Variants in TFB1M observed in about 807,000 individuals in gnomAD.
TFB1M encodes dimethyladenosine transferase 1, mitochondrial.
In TFB1M, 27 loss-of-function variants were observed where a neutral mutation model predicts 31.1. The observed-to-expected ratio is 0.87, with a 90% confidence interval of 0.64 to 1.20. TFB1M has a LOEUF of 1.20. Ranked by LOEUF, TFB1M falls within the 50% of genes most tolerant of loss-of-function variation. TFB1M has a pLI of 0.00. For missense variants in TFB1M, 394 were observed against 418.7 expected (o/e 0.94, Z 0.51); for synonymous variants, 166 against 151.8 (o/e 1.09, Z -0.69).
At chr6:155,248,239 C>A in the TFB1M span, 1 of 1,549,588 alleles carries the variant, frequency 6.5e-7, no homozygotes, top group Non-Finnish European at 8.7e-7. Flanking sequence ...GGGCTGCCAG[C>A]CGTGCCCTGG....
intron 5 of TFB1M, among the ~76,000 whole-genome samples, chr6:155,274,263 C>T (rs1166945271): frequency 1.3e-5 from 2 of 152,180 alleles, no homozygotes; most frequent in African/African-American, 4.8e-5. Context: ...TGCAGTATTT[C>T]AGAAACCATT....
the TFB1M span, among the ~76,000 whole-genome samples, chr6:155,245,104 C>CTG: frequency 1.3e-5 from 2 of 152,220 alleles, no homozygotes; most frequent in African/African-American, 4.8e-5. Context: ...AGCTCCTACC[C>CTG]TGTGCCCAAT....
At chr6:155,266,846 C>CA (rs1213939199) in intron 5 of TFB1M, among the ~76,000 whole-genome samples, 790 of 62,818 alleles carry the variant, frequency 0.013, 70 homozygotes, top group African/African-American at 0.021. Flanking sequence ...GACTCCGTCT[C>CA]AAAAAAAAAA....
intron 6 of TFB1M, among the ~76,000 whole-genome samples, chr6:155,259,008 T>C (rs1478527462): frequency 2.6e-5 from 4 of 152,204 alleles, no homozygotes; most frequent in Non-Finnish European, 4.4e-5. Flanking sequence ...GAGGATGGTG[T>C]ATCTGAAATG....
At chr6:155,301,246 CCCACT>C (rs1562421427) in intron 2 of TFB1M, among the ~76,000 whole-genome samples, 3 of 152,276 alleles carry the variant, frequency 2.0e-5, no homozygotes, top group South Asian at 4.1e-4. Flanking sequence ...TTTGCAACTC[CCCACT>C]GCAGAAGGAA....
At chr6:155,294,029 T>G (rs895143356) in intron 4 of TFB1M, among the ~76,000 whole-genome samples, 6 of 152,194 alleles carry the variant, frequency 3.9e-5, no homozygotes, top group African/African-American at 1.4e-4. Flanking sequence ...TTTTTCTTGA[T>G]GTTTCTAATC....
the TFB1M span, chr6:155,232,430 A>G: frequency 6.6e-6 from 1 of 152,260 alleles, no homozygotes; most frequent in African/African-American, 2.4e-5. Context: ...TCAGTGTATG[A>G]GAACGCAAAC....
chr6:155,298,255 A>G (rs1423866943), intron 3 of TFB1M, among the ~76,000 whole-genome samples: 1 of 152,222 alleles, frequency 6.6e-6, no homozygotes, highest in African/African-American at 2.4e-5. Flanking sequence ...AATACAAAAC[A>G]TTTGGAAATG....
At chr6:155,247,521 T>G in the TFB1M span, among the ~76,000 whole-genome samples, 1 of 152,126 alleles carries the variant, frequency 6.6e-6, no homozygotes, top group Non-Finnish European at 1.5e-5. Flanking sequence ...TAGAGACGGG[T>G]TTCACCATGT....
chr6:155,246,071 T>G, the TFB1M span, among the ~76,000 whole-genome samples: 1 of 142,872 alleles, frequency 7.0e-6, no homozygotes, highest in African/African-American at 2.6e-5. Flanking sequence ...GCTATGGTGT[T>G]TTTTTTTTTT....
intron 4 of TFB1M, among the ~76,000 whole-genome samples, chr6:155,294,345 C>G (rs1769260864): frequency 6.6e-6 from 1 of 152,094 alleles, no homozygotes; most frequent in Admixed American, 6.6e-5. Context: ...ATTAAGAATG[C>G]TTGCTCTTCA....
Position 155,257,350 on chromosome 6 carries a change from T to C in TFB1M, c.*486A>G. The C allele has an allele frequency of 1.9e-6, 1 of 530,458 alleles. No homozygotes were observed. Among genetic ancestry groups the C allele is most frequent in the Non-Finnish European group, 3.3e-6 (1 of 304,294 alleles). The allele number at this position is 530,458 out of a possible 1,614,324, so 32.9% of individuals were successfully genotyped here. On this transcript the variant is annotated 3_prime_UTR_variant, in exon 7 of 7. Coordinates refer to ENST00000367166, the MANE Select transcript of TFB1M (RefSeq NM_016020.4). ...GTAAATTACTTAGTTTATATCCACT[T>C]TGAGCAGGTATCAAATGATTTAGGA... is the stretch of plus-strand genomic sequence containing the variant.
intron 1 of TFB1M, among the ~76,000 whole-genome samples, chr6:155,312,181 G>C (rs946076852): frequency 6.6e-6 from 1 of 152,146 alleles, no homozygotes; most frequent in Non-Finnish European, 1.5e-5. Context: ...TCTTGTAGGT[G>C]TTCACAGTCC....
chr6:155,230,743 T>TATTTATATATA, the TFB1M span, among the ~76,000 whole-genome samples: 1 of 152,068 alleles, frequency 6.6e-6, no homozygotes. Flanking sequence ...TTATTATACA[T>TATTTATATATA]GTAGTTCAAT....
At chr6:155,248,678 T>C in the TFB1M span, among the ~76,000 whole-genome samples, 1 of 152,204 alleles carries the variant, frequency 6.6e-6, no homozygotes, top group South Asian at 2.1e-4. Context: ...AAGTCGCTAC[T>C]GGTGTGTTAC....
At chr6:155,239,250 A>G in the TFB1M span, among the ~76,000 whole-genome samples, 1 of 152,236 alleles carries the variant, frequency 6.6e-6, no homozygotes, top group South Asian at 2.1e-4. Flanking sequence ...TGACAGTCAG[A>G]AAGTTGCTGG....
At chr6:155,248,071 G>A in the TFB1M span, 1 of 1,614,198 alleles carries the variant, frequency 6.2e-7, no homozygotes, top group Non-Finnish European at 8.5e-7. Flanking sequence ...CTCCACGCTG[G>A]AGTCCTACCT....
chr6:155,290,738 T>C (rs1776885810), intron 4 of TFB1M, among the ~76,000 whole-genome samples: 1 of 152,202 alleles, frequency 6.6e-6, no homozygotes, highest in South Asian at 2.1e-4. Flanking sequence ...GTACATAGTA[T>C]TTTGTATCTC....
At chr6:155,235,599 T>C in the TFB1M span, among the ~76,000 whole-genome samples, 2 of 152,366 alleles carry the variant, frequency 1.3e-5, no homozygotes, top group Middle Eastern at 3.4e-3. Context: ...GACACACTTA[T>C]AATTACTCTT....
Sources: allele counts gnomAD v4.1 joint callset (sites outside exome capture counted in the v4.1 genomes callset), GRCh38; gene constraint gnomAD v4.1.1; transcripts MANE v1.5; gene names NCBI Gene and HGNC (gene_info 2026-07-23, HGNC 2026-07-21).